Variants in TMEM178B observed in about 807,000 individuals in gnomAD.
The protein encoded by TMEM178B is transmembrane protein 178B.
In TMEM178B, 5 loss-of-function variants were observed where a neutral mutation model predicts 31.0. The ratio of observed to expected loss-of-function variants is 0.16; its 90% CI spans 0.08 to 0.34. The LOEUF (loss-of-function observed/expected upper bound fraction) is 0.34, where lower values mean the gene tolerates loss of function less well. Ranked by LOEUF, TMEM178B falls within the 10% of genes least tolerant of loss-of-function variation. The probability of loss-of-function intolerance (pLI) is 1.00; values close to 1 mark genes in which losing one functional copy is unlikely to be tolerated. For synonymous variants in TMEM178B, 164 were observed against 164.0 expected (o/e 1.00, Z 0.00); for missense variants, 275 against 400.3 (o/e 0.69, Z 2.67).
At chr7:141,412,015 GT>G (rs1346007334) in intron 2 of TMEM178B, among the ~76,000 whole-genome samples, 1 of 152,186 alleles carries the variant, frequency 6.6e-6, no homozygotes, top group African/African-American at 2.4e-5. Context: ...CTGTGACTCA[GT>G]GTTGTTTGGG....
At chr7:141,420,597 G>A (rs1801188285) in intron 2 of TMEM178B, among the ~76,000 whole-genome samples, 1 of 152,116 alleles carries the variant, frequency 6.6e-6, no homozygotes, top group African/African-American at 2.4e-5. Context: ...AATCTTTACA[G>A]GTTACTAACA....
At chr7:141,379,378 G>A (rs557876500) in intron 2 of TMEM178B, among the ~76,000 whole-genome samples, 19 of 152,150 alleles carry the variant, frequency 1.2e-4, no homozygotes, top group Admixed American at 5.2e-4. Context: ...TCAGCTACTC[G>A]GAAGGCTGAG....
chr7:141,458,541 G>C (rs924308073), intron 3 of TMEM178B, among the ~76,000 whole-genome samples: 1 of 152,182 alleles, frequency 6.6e-6, no homozygotes, highest in African/African-American at 2.4e-5. Flanking sequence ...GAGAGCAGTT[G>C]CTCCCCAGAG....
At chr7:141,444,903 G>C (rs1208113430) in intron 3 of TMEM178B, among the ~76,000 whole-genome samples, 4 of 152,048 alleles carry the variant, frequency 2.6e-5, no homozygotes, top group Admixed American at 6.5e-5. Context: ...GGGCTTCTAA[G>C]TGGGTGCCAG....
chr7:141,136,495 T>C (rs1795676641), intron 1 of TMEM178B, among the ~76,000 whole-genome samples: 1 of 152,084 alleles, frequency 6.6e-6, no homozygotes, highest in African/African-American at 2.4e-5. Flanking sequence ...CAAAAGCATA[T>C]GCAACAAAAC....
chr7:141,129,812 G>A (rs1795564955), intron 1 of TMEM178B, among the ~76,000 whole-genome samples: 1 of 152,112 alleles, frequency 6.6e-6, no homozygotes, highest in African/African-American at 2.4e-5. Flanking sequence ...GAAATACATT[G>A]GTTTGGCCCA....
intron 1 of TMEM178B, among the ~76,000 whole-genome samples, chr7:141,148,255 A>G (rs534417095): frequency 2.6e-5 from 4 of 152,216 alleles, no homozygotes; most frequent in South Asian, 2.1e-4. Context: ...TTGAGATTAC[A>G]TTGGGCCTAC....
chr7:141,205,430 G>T (rs10248380), intron 1 of TMEM178B, among the ~76,000 whole-genome samples: 2 of 152,296 alleles, frequency 1.3e-5, no homozygotes, highest in South Asian at 2.1e-4. Context: ...CCCAGGTGCC[G>T]TTGTGAGTAG....
chr7:141,348,943 C>G (rs574904567), intron 2 of TMEM178B, among the ~76,000 whole-genome samples: 2 of 152,138 alleles, frequency 1.3e-5, no homozygotes, highest in Admixed American at 6.5e-5. Flanking sequence ...GACTGGGTAA[C>G]GGCGGCAGGG....
intron 1 of TMEM178B, among the ~76,000 whole-genome samples, chr7:141,123,263 G>A (rs1304595187): frequency 6.6e-6 from 1 of 152,224 alleles, no homozygotes; most frequent in Non-Finnish European, 1.5e-5. Context: ...TGGACTGGGT[G>A]TTCAGGTGGC....
chr7:141,243,115 T>A (rs1476290976), intron 2 of TMEM178B, among the ~76,000 whole-genome samples: 1 of 152,168 alleles, frequency 6.6e-6, no homozygotes, highest in Non-Finnish European at 1.5e-5. Context: ...AAAGTAAAAC[T>A]TAAACAAACC....
intron 2 of TMEM178B, among the ~76,000 whole-genome samples, chr7:141,368,874 G>C (rs577337018): frequency 6.6e-6 from 1 of 152,154 alleles, no homozygotes; most frequent in Non-Finnish European, 1.5e-5. Context: ...GGACCATGCC[G>C]CTCCTGCTTT....
the TMEM178B span, among the ~76,000 whole-genome samples, chr7:141,509,374 G>A: frequency 2.0e-5 from 3 of 152,176 alleles, no homozygotes; most frequent in Non-Finnish European, 4.4e-5. Context: ...TAGAGGCCAG[G>A]CACGGTGGCT....
chr7:141,164,665 G>C (rs1302630436), intron 1 of TMEM178B, among the ~76,000 whole-genome samples: 1 of 152,166 alleles, frequency 6.6e-6, no homozygotes, highest in Non-Finnish European at 1.5e-5. Context: ...ACAAGGATTA[G>C]GTTTGGCTGC....
chr7:141,342,709 G>T (rs913727902), intron 2 of TMEM178B, among the ~76,000 whole-genome samples: 1 of 152,146 alleles, frequency 6.6e-6, no homozygotes, highest in African/African-American at 2.4e-5. Flanking sequence ...TCTCACATAC[G>T]GATAACTTAA....
chr7:141,279,744 A>C (rs1296096572), intron 2 of TMEM178B, among the ~76,000 whole-genome samples: 1 of 152,176 alleles, frequency 6.6e-6, no homozygotes, highest in Non-Finnish European at 1.5e-5. Flanking sequence ...TACCAAAATG[A>C]CTGGAGTGTC....
At chr7:141,314,671 G>C (rs953084771) in intron 2 of TMEM178B, among the ~76,000 whole-genome samples, 1 of 152,062 alleles carries the variant, frequency 6.6e-6, no homozygotes, top group Non-Finnish European at 1.5e-5. Context: ...CTGCTCCTCT[G>C]GCCATAGGTC....
intron 1 of TMEM178B, among the ~76,000 whole-genome samples, chr7:141,123,773 G>A (rs1199058458): frequency 6.6e-6 from 1 of 151,634 alleles, no homozygotes; most frequent in Non-Finnish European, 1.5e-5. Context: ...TTTTTTTTGA[G>A]ACAGAGTCTC....
At chr7:141,404,044 G>T (rs1281682025) in intron 2 of TMEM178B, among the ~76,000 whole-genome samples, 1 of 152,222 alleles carries the variant, frequency 6.6e-6, no homozygotes, top group Non-Finnish European at 1.5e-5. Flanking sequence ...GGTGGCTCGT[G>T]CCTGTAATCC....
Sources: gnomAD v4.1 joint callset for allele counts (sites outside exome capture counted in the v4.1 genomes callset) on GRCh38, gnomAD v4.1.1 for gene constraint, MANE v1.5 for transcripts, NCBI Gene and HGNC (gene_info 2026-07-23, HGNC 2026-07-21) for gene names.